The following PSG7 variants were observed in gnomAD, a reference collection of about 807,000 sequenced individuals.
PSG7 encodes the protein pregnancy specific beta-1-glycoprotein 7.
A neutral mutation model predicts 45.6 loss-of-function variants in PSG7; 57 were observed. The observed-to-expected ratio is 1.25, with a 90% CI of 1.01 to 1.56. The LOEUF (loss-of-function observed/expected upper bound fraction) is 1.56, where lower values mean the gene tolerates loss of function less well. PSG7 is among the 40% of genes most tolerant of loss of function. The pLI, the probability that PSG7 is intolerant of heterozygous loss-of-function variation, is 0.00. For missense variants in PSG7, 796 were observed against 508.4 expected (o/e 1.57, Z -5.44); for synonymous variants, 298 against 194.4 (o/e 1.53, Z -4.43).
Position 42,931,853 on chromosome 19 carries a change from A to G in PSG7, c.431-2133T>C, listed in dbSNP as rs1973026508. Among the ~76,000 whole-genome samples the G allele has an allele frequency of 2.6e-5, 4 of 151,246 alleles. No individual in the cohort carries two copies. In the South Asian group the frequency reaches 8.4e-4, roughly 32 times the overall value. ...ATTTAAAAATTGCTATTGTCAAAACAAAATACTAAATATGAAGTTGAAATG... is the reference window on the plus strand; with the variant it reads ...ATTTAAAAATTGCTATTGTCAAAACGAAATACTAAATATGAAGTTGAAATG... On this transcript the variant is annotated intron_variant, in intron 2 of 5. Coordinates refer to ENST00000406070, the MANE Select transcript of PSG7 (RefSeq NM_002783.3).
chr19:42,931,071 T>C (rs896725734), intron 2 of PSG7, among the ~76,000 whole-genome samples: 1 of 151,568 alleles, frequency 6.6e-6, no homozygotes, highest in African/African-American at 2.4e-5. Context: ...AGATTGTGGA[T>C]TTCTGGATTT....
intron 4 of PSG7, 92 bp from the exon 5 acceptor site, chr19:42,926,119 G>C: frequency 6.5e-7 from 1 of 1,537,320 alleles, no homozygotes; most frequent in Non-Finnish European, 8.8e-7. Flanking sequence ...CCTCTGAGCC[G>C]AGACACACCC....
chr19:42,925,692 A>G lies in PSG7; in HGVS notation c.1243+81T>C, dbSNP rs759567631. 9 of 1,605,112 alleles carry G rather than the reference A, an allele frequency of 5.6e-6. No homozygotes were observed. In the African/African-American group the frequency reaches 1.2e-4, roughly 22 times the overall value. Reference sequence around the variant, plus strand: ...CCCATGGGACACAGGCTGGGAATACAAATGTTTTCCTGACTTTTCTCTGAA... The same window carrying G: ...CCCATGGGACACAGGCTGGGAATACGAATGTTTTCCTGACTTTTCTCTGAA... On this transcript the variant is annotated intron_variant, in intron 5 of 5. Transcript: ENST00000406070.
At chr19:42,932,144 C>A (rs1408677657) in intron 2 of PSG7, among the ~76,000 whole-genome samples, 1 of 151,360 alleles carries the variant, frequency 6.6e-6, no homozygotes, top group African/African-American at 2.4e-5. Context: ...CTGCCTCAGC[C>A]TCCCGAGTAG....
rs370734120 is a variant in PSG7 at position 42,932,557 on chromosome 19, A to G, written c.431-2837T>C. Among the ~76,000 whole-genome samples the G allele has an allele frequency of 1.5e-4, 23 of 151,512 alleles. 1 individual carries two copies. The East Asian group carries it at 2.1e-3, about 14-fold the overall frequency. On this transcript the variant is annotated intron_variant, in intron 2 of 5. Transcript: ENST00000406070. ...GGCCCTTCCAGCCTCTGACACCCTG[A>G]TGAGTCCGTGCAAAGATTACAACAG...
rs2122666559 is a variant in PSG7, at chr19:42,924,516, T to C, written c.*292A>G. On this transcript the variant is annotated 3_prime_UTR_variant, in exon 6 of 6. Coordinates refer to ENST00000406070, the MANE Select transcript of PSG7 (RefSeq NM_002783.3). Reference sequence around the variant, plus strand: ...AGAGGCAGGCACAAGCAAGGACAGCTAAGAGGGGTGAGAGCCTCATCATGA... The same window carrying C: ...AGAGGCAGGCACAAGCAAGGACAGCCAAGAGGGGTGAGAGCCTCATCATGA... The C allele has an allele frequency of 1.7e-6, 1 of 586,234 alleles. No homozygotes were observed. Among genetic ancestry groups the C allele is most frequent in the South Asian group, 2.3e-5 (1 of 43,948 alleles). The allele number at this position is 586,234 out of a possible 1,614,324, so 36.3% of individuals were successfully genotyped here. A position where few individuals can be genotyped will look rare whatever the true frequency, so the allele number is the denominator to read the frequency against.
At chr19:42,924,980 G>T (rs1445149079) in intron 5 of PSG7, 156 bp from the exon 6 acceptor site, 3 of 651,918 alleles carry the variant, frequency 4.6e-6, no homozygotes, top group East Asian at 5.4e-5. Flanking sequence ...TGCAAAATAG[G>T]TTGAGTTTCT....
chr19:42,929,493 G>A lies in PSG7; in HGVS notation c.658C>T (p.Arg220Trp), dbSNP rs374848791. The A allele has an allele frequency of 8.2e-5, 132 of 1,612,586 alleles. 3 individuals are homozygous for A. The African/African-American group carries it at 1.1e-3, about 14-fold the overall frequency. ...CTGCGGCTGGCACTCACTGGGTTCC[G>A]TATTTCACATTCATAGGGTCCTGCA... ...YTAGPYECEI[R>W]NPVSASRSDP... The change falls in exon 3 of 6, where the codon CGG (arginine) becomes TGG (tryptophan). Residue 220 changes from arginine (R) to tryptophan (W), a missense_variant. Coordinates refer to ENST00000406070, the MANE Select transcript of PSG7 (RefSeq NM_002783.3).
At chr19:42,935,353 T>G (rs1184854655) in intron 2 of PSG7, 51 bp downstream of exon 2, 2 of 1,605,024 alleles carry the variant, frequency 1.2e-6, no homozygotes, top group Non-Finnish European at 1.7e-6. Flanking sequence ...GTGTGTGAAG[T>G]AGAAATGACC....
In PSG7 at chr19:42,935,436, C is replaced by T; in HGVS notation, c.398G>A (p.Gly133Glu). 1 of 1,612,040 alleles carries T rather than the reference C, an allele frequency of 6.2e-7. No individual in the cohort carries two copies. ...HIIKRGDGTG[G>E]VTGRFTFTLY... is the part of the protein sequence containing the mutation. ...GGTGAAGGTGAAACGTCCAGTTACTCCTCCAGTCCCATCACCTCGCTTTAT... is the reference window on the plus strand; with the variant it reads ...GGTGAAGGTGAAACGTCCAGTTACTTCTCCAGTCCCATCACCTCGCTTTAT... The change falls in exon 2 of 6, where the codon GGA (glycine) becomes GAA (glutamate). Residue 133 changes from glycine to glutamate, a missense_variant. Coordinates refer to ENST00000406070, the MANE Select transcript of PSG7 (RefSeq NM_002783.3).
chr19:42,936,217 A>G (rs1973149938), intron 1 of PSG7: 1 of 171,184 alleles, frequency 5.8e-6, no homozygotes, highest in African/African-American at 2.4e-5. Flanking sequence ...CTGATCTCAC[A>G]TTCTAGATCT....
rs377232741 is a variant in PSG7 at position 42,926,002 on chromosome 19, G to T, written c.1014C>A (p.Tyr338Ter). ...VLYGPDLPRI[Y>*]PSFTYYHSGQ... ...CTGAATGGTAATAGGTGAATGAAGG[G>T]TAAATTCTGGGGAGGTCTGGACCAT... The change falls in exon 5 of 6, where the codon TAC becomes TAA. Residue 338 changes from tyrosine to a stop codon, truncating the protein, a stop_gained. Transcript: ENST00000406070. LOFTEE classifies it high-confidence loss of function. 48 of 1,612,038 alleles carry T rather than the reference G, an allele frequency of 3.0e-5. 4 individuals are homozygous for T. In the African/African-American group the frequency reaches 3.6e-4, roughly 12 times the overall value.
Position 42,933,307 on chromosome 19 carries a change from A to ATATATTTTT in PSG7, c.430+2096_430+2097insAAAAATATA, listed in dbSNP as rs56691588. Among the ~76,000 whole-genome samples the ATATATTTTT allele has an allele frequency of 2.1e-3, 28 of 13,498 alleles. 1 individual carries two copies. The highest frequency in any genetic ancestry group is 4.7e-3 in the Admixed American group (3 of 636). 8.9% of individuals were successfully genotyped at this position (13,498 alleles called of 152,430 possible). On this transcript the variant is annotated intron_variant, in intron 2 of 5. Transcript: ENST00000406070. ...TATATATATATATATATATATATAT[A>ATATATTTTT]TTTTTTTTTTTTTTTGGTGTATGTA...
intron 2 of PSG7, among the ~76,000 whole-genome samples, chr19:42,933,786 A>T (rs1254132321): frequency 4.6e-5 from 7 of 151,132 alleles, no homozygotes; most frequent in African/African-American, 1.7e-4. Context: ...GACCCCAGGG[A>T]CAAGGTGCCC....
chr19:42,929,501 C>T lies in PSG7; in HGVS notation c.650G>A (p.Cys217Tyr), dbSNP rs1446448339. Residue 217 changes from cysteine to tyrosine, a missense_variant, in exon 3 of 6, where the codon TGT becomes TAT. Physicochemically the swap from Cys to Tyr is radical, Grantham distance 194. Transcript: ENST00000406070. The part of the protein sequence containing the change: ...VTNYTAGPYE[C>Y]EIRNPVSASR... The stretch of plus-strand genomic sequence containing the variant: ...GGCACTCACTGGGTTCCGTATTTCA[C>T]ATTCATAGGGTCCTGCAGTATAGTT... 1.2e-6 allele frequency: 2 copies of T among 1,612,598 alleles called. No homozygotes were observed. The highest frequency in any genetic ancestry group is 1.7e-6 in the Non-Finnish European group (2 of 1,179,226).
chr19:42,924,891 G>A (rs1005987301), intron 5 of PSG7, 67 bp from the exon 6 acceptor site: 4 of 762,532 alleles, frequency 5.2e-6, no homozygotes, highest in Non-Finnish European at 9.6e-6. Flanking sequence ...GTGTACTACG[G>A]TTTTATTTTC....
At chr19:42,928,364 CACTT>C in intron 3 of PSG7, among the ~76,000 whole-genome samples, 1 of 151,602 alleles carries the variant, frequency 6.6e-6, no homozygotes, top group South Asian at 2.1e-4. Flanking sequence ...ATCTGCAACT[CACTT>C]TGCGTAGTAT....
At chr19:42,930,514 T>G (rs967385032) in intron 2 of PSG7, among the ~76,000 whole-genome samples, 2 of 151,676 alleles carry the variant, frequency 1.3e-5, no homozygotes, top group Non-Finnish European at 2.9e-5. Flanking sequence ...TTTCTAGAAA[T>G]ACATGTTGAT....
chr19:42,929,244 A>G, intron 3 of PSG7, 198 bp downstream of exon 3: 3 of 1,284,194 alleles, frequency 2.3e-6, no homozygotes, highest in Non-Finnish European at 2.1e-6. Context: ...CTCCCATGAC[A>G]GGAGCAGCCT....
Sources: allele counts gnomAD v4.1 joint callset (sites outside exome capture counted in the v4.1 genomes callset), GRCh38; gene constraint gnomAD v4.1.1; transcripts MANE v1.5; gene names NCBI Gene and HGNC (gene_info 2026-07-23, HGNC 2026-07-21).